Variants in SSBP2 observed in about 807,000 individuals in gnomAD.
SSBP2 encodes the protein single-stranded DNA-binding protein 2.
Under a neutral mutation model 61.8 loss-of-function variants are expected in SSBP2, and 17 were observed. That is an observed-to-expected ratio of 0.28 (90% confidence interval 0.19 to 0.41). The LOEUF is 0.41. Among genes scored for constraint, SSBP2 ranks in the 10% least tolerant of loss-of-function variants. The probability of loss-of-function intolerance (pLI) is 1.00; values close to 1 mark genes in which losing one functional copy is unlikely to be tolerated. For missense variants in SSBP2, 310 were observed against 458.7 expected, an observed-to-expected ratio of 0.68 and a Z score of 2.96; for synonymous variants, 139 against 141.3, an observed-to-expected ratio of 0.98 and a Z score of 0.12.
chr5:81,458,715 C>A (rs1764333861), intron 10 of SSBP2, among the ~76,000 whole-genome samples: 1 of 152,116 alleles, frequency 6.6e-6, no homozygotes, highest in Non-Finnish European at 1.5e-5. Flanking sequence ...ACTTGGAATT[C>A]AACATAATTT....
chr5:81,527,949 T>C (rs78638781), intron 4 of SSBP2, among the ~76,000 whole-genome samples: 1 of 151,970 alleles, frequency 6.6e-6, no homozygotes, highest in East Asian at 1.9e-4. Flanking sequence ...CTTTTATATA[T>C]TTTTTCTGTA....
chr5:81,706,131 T>C (rs997395582), intron 1 of SSBP2, among the ~76,000 whole-genome samples: 1 of 152,066 alleles, frequency 6.6e-6, no homozygotes, highest in African/African-American at 2.4e-5. Context: ...ATATACACCA[T>C]GGAATACTAC....
At chr5:81,647,170 T>C (rs1251568365) in intron 2 of SSBP2, among the ~76,000 whole-genome samples, 1 of 152,184 alleles carries the variant, frequency 6.6e-6, no homozygotes, top group Non-Finnish European at 1.5e-5. Flanking sequence ...AAATAATATA[T>C]GTATTCCTTG....
intron 3 of SSBP2, among the ~76,000 whole-genome samples, chr5:81,623,368 C>T (rs1746814440): frequency 7.2e-6 from 1 of 138,304 alleles, no homozygotes; most frequent in Non-Finnish European, 1.5e-5. Context: ...CGGAGTCTCG[C>T]TCTGTCACCC....
intron 4 of SSBP2, among the ~76,000 whole-genome samples, chr5:81,516,634 C>G (rs889656472): frequency 6.6e-6 from 1 of 151,932 alleles, no homozygotes; most frequent in Non-Finnish European, 1.5e-5. Flanking sequence ...CCATTTGGTA[C>G]CCTATGCTGA....
At chr5:81,489,811 T>C (rs1447830381) in intron 5 of SSBP2, among the ~76,000 whole-genome samples, 1 of 152,208 alleles carries the variant, frequency 6.6e-6, no homozygotes, top group African/African-American at 2.4e-5. Flanking sequence ...AAGGGTCATC[T>C]GTAGTCAAAA....
Position 81,661,123 on chromosome 5 carries a change from C to T in SSBP2, c.63-10784G>A, listed in dbSNP as rs146996171. Among the ~76,000 whole-genome samples the T allele has an allele frequency of 1.1e-3, 170 of 152,114 alleles. 1 individual carries two copies. In the East Asian group the frequency reaches 0.031, roughly 27 times the overall value. On this transcript the variant is annotated intron_variant, in intron 1 of 16. Transcript: ENST00000320672. ...AAACCACAATGGCGCATGTATACTACGTAACAAATCTGAACATTCTGCACA... is the reference window on the plus strand; with the variant it reads ...AAACCACAATGGCGCATGTATACTATGTAACAAATCTGAACATTCTGCACA...
At chr5:81,724,688 A>G (rs1755758069) in intron 1 of SSBP2, among the ~76,000 whole-genome samples, 1 of 152,104 alleles carries the variant, frequency 6.6e-6, no homozygotes, top group African/African-American at 2.4e-5. Context: ...TATAAAGCAA[A>G]TAGAAAATGG....
chr5:81,557,566 A>G (rs896447636), intron 4 of SSBP2, among the ~76,000 whole-genome samples: 6 of 151,912 alleles, frequency 3.9e-5, no homozygotes, highest in South Asian at 2.1e-4. Context: ...TTCACTCTGT[A>G]ATTCATTTTG....
intron 1 of SSBP2, among the ~76,000 whole-genome samples, chr5:81,715,253 A>G (rs767056444): frequency 2.6e-5 from 4 of 152,190 alleles, no homozygotes; most frequent in Admixed American, 6.5e-5. Flanking sequence ...GAAGCCACCA[A>G]GTACTCAGGT....
rs147685303 is a variant in SSBP2, at chr5:81,665,115, A to G, written c.63-14776T>C. Reference sequence around the variant, plus strand: ...TGTAAAAAATATCAATGGTAGTTTAATGGGAAAAGCATTTAAATCTATAAA... The same window carrying G: ...TGTAAAAAATATCAATGGTAGTTTAGTGGGAAAAGCATTTAAATCTATAAA... On this transcript the variant is annotated intron_variant, in intron 1 of 16. Transcript: ENST00000320672. 9.5e-4 allele frequency among the ~76,000 whole-genome samples: 144 copies of G among 152,318 alleles called. 1 individual carries two copies. Among genetic ancestry groups the G allele is most frequent in the African/African-American group, 3.2e-3 (132 of 41,580 alleles).
intron 1 of SSBP2, among the ~76,000 whole-genome samples, chr5:81,734,970 CAAAAAAA>C (rs11350574): frequency 5.7e-5 from 4 of 70,526 alleles, no homozygotes; most frequent in Admixed American, 1.8e-4. Context: ...GACTCCATCT[CAAAAAAA>C]AAAAAAAAAA....
intron 4 of SSBP2, among the ~76,000 whole-genome samples, chr5:81,598,814 C>T (rs1198614750): frequency 6.6e-6 from 1 of 152,164 alleles, no homozygotes; most frequent in Non-Finnish European, 1.5e-5. Context: ...CTAGCCATGT[C>T]AAGCAGCAAG....
chr5:81,501,778 G>A (rs1348217772), intron 5 of SSBP2, among the ~76,000 whole-genome samples: 1 of 151,732 alleles, frequency 6.6e-6, no homozygotes, highest in African/African-American at 2.4e-5. Flanking sequence ...ATGTTAGCCA[G>A]GATGGTCTCG....
At chr5:81,622,131 A>G (rs1297340320) in intron 3 of SSBP2, among the ~76,000 whole-genome samples, 1 of 151,726 alleles carries the variant, frequency 6.6e-6, no homozygotes, top group Non-Finnish European at 1.5e-5. Flanking sequence ...AAAAAAAAAA[A>G]AAAAGAAAAT....
chr5:81,735,767 C>T (rs13178641), intron 1 of SSBP2, among the ~76,000 whole-genome samples: 17,126 of 151,984 alleles, frequency 0.11, 1,165 homozygotes, highest in Admixed American at 0.15. Flanking sequence ...TTATAAACTT[C>T]CCTATTGACA....
At position 81,699,756 on chromosome 5, in the gene SSBP2, C is replaced by G. The variant is rs142896501; in HGVS notation, c.63-49417G>C. ...TTGTCGCACATTTTCCTAATGACAA[C>G]TAGAATGGTGAATCCTTCCAGAAAA... On this transcript the variant is annotated intron_variant, in intron 1 of 16. Transcript: ENST00000320672. Among the ~76,000 whole-genome samples the G allele has an allele frequency of 3.5e-3, 528 of 152,210 alleles. 3 individuals carry two copies. Among genetic ancestry groups the G allele is most frequent in the African/African-American group, 0.012 (492 of 41,554 alleles).
At chr5:81,749,036 A>G (rs1028538907) in intron 1 of SSBP2, among the ~76,000 whole-genome samples, 2 of 152,230 alleles carry the variant, frequency 1.3e-5, no homozygotes, top group Middle Eastern at 3.2e-3. Flanking sequence ...TCATGCCTCA[A>G]TACATTTCAA....
In SSBP2 at chr5:81,739,164, CAAAAAAAAAAAAAAA is replaced by C. The variant is rs71000859; in HGVS notation, c.62+11802_62+11816del. 4.1e-4 allele frequency among the ~76,000 whole-genome samples: 21 copies of C among 51,104 alleles called. No homozygotes were observed. The East Asian group carries it at 0.01, about 25-fold the overall frequency. 33.5% of individuals were successfully genotyped at this position (51,104 alleles called of 152,430 possible). ...TGGTGACAGAGTGAGACTCCATCTC[CAAAAAAAAAAAAAAA>C]AAAAAAAAAAAAAAAATTGTTTATC... is the stretch of plus-strand genomic sequence containing the variant. On this transcript the variant is annotated intron_variant, in intron 1 of 16. Transcript: ENST00000320672.
Sources: gnomAD v4.1 joint callset for allele counts (sites outside exome capture counted in the v4.1 genomes callset) on GRCh38, gnomAD v4.1.1 for gene constraint, MANE v1.5 for transcripts, NCBI Gene and HGNC (gene_info 2026-07-23, HGNC 2026-07-21) for gene names.